TMEM200A: variants seen among roughly 807,000 people sequenced by gnomAD.
The protein encoded by TMEM200A is transmembrane protein 200A.
In TMEM200A, 12 loss-of-function variants were observed where a neutral mutation model predicts 24.3. That is an observed-to-expected ratio of 0.49 (90% CI 0.32 to 0.80). The LOEUF (loss-of-function observed/expected upper bound fraction) is 0.80. Among genes scored for constraint, TMEM200A ranks in the 30% least tolerant of loss-of-function variants. The pLI is 0.04. For missense variants in TMEM200A, 545 were observed against 614.4 expected (o/e 0.89, Z 1.19); for synonymous variants, 224 against 224.4 (o/e 1.00, Z 0.02).
chr6:130,374,630 G>T (rs1778404529), intron 1 of TMEM200A, among the ~76,000 whole-genome samples: 1 of 152,028 alleles, frequency 6.6e-6, no homozygotes, highest in East Asian at 1.9e-4. Flanking sequence ...CACCATGTTG[G>T]CCAGGCTGGT....
chr6:130,375,981 A>T (rs973689180), intron 1 of TMEM200A, among the ~76,000 whole-genome samples: 56 of 145,062 alleles, frequency 3.9e-4, no homozygotes, highest in African/African-American at 1.4e-3. Context: ...TTTAATATAA[A>T]TATAACGTAA....
chr6:130,392,453 G>A (rs1355125299), intron 2 of TMEM200A, among the ~76,000 whole-genome samples: 1 of 152,126 alleles, frequency 6.6e-6, no homozygotes, highest in Non-Finnish European at 1.5e-5. Flanking sequence ...CATTTCCAGT[G>A]CAATAGCTTC....
intron 1 of TMEM200A, among the ~76,000 whole-genome samples, chr6:130,372,861 C>T (rs972289620): frequency 3.9e-5 from 6 of 152,184 alleles, no homozygotes; most frequent in African/African-American, 1.2e-4. Context: ...AGAGGTAAAA[C>T]AACCATGTGT....
chr6:130,394,437 C>A (rs1778903228), intron 2 of TMEM200A, among the ~76,000 whole-genome samples: 1 of 152,130 alleles, frequency 6.6e-6, no homozygotes, highest in Non-Finnish European at 1.5e-5. Flanking sequence ...GGTGGCAGAG[C>A]TTTCTTCTCT....
At chr6:130,401,194 G>A (rs1412714526) in intron 2 of TMEM200A, among the ~76,000 whole-genome samples, 3 of 152,034 alleles carry the variant, frequency 2.0e-5, no homozygotes, top group Admixed American at 1.3e-4. Context: ...CTGTATTCAG[G>A]TGTCATGTTG....
chr6:130,369,125 CT>C (rs1778251973), intron 1 of TMEM200A, among the ~76,000 whole-genome samples: 1 of 152,074 alleles, frequency 6.6e-6, no homozygotes, highest in Admixed American at 6.6e-5. Context: ...GACATCTGAC[CT>C]AACATTGATT....
In TMEM200A at chr6:130,440,674, G is replaced by A. The variant is rs1297990034; in HGVS notation, c.252G>A (p.Trp84Ter). 6.2e-7 allele frequency: 1 copy of A among 1,613,634 alleles called. No homozygotes were observed. The highest frequency in any genetic ancestry group is 1.3e-5 in the African/African-American group (1 of 74,856). Residue 84 changes from tryptophan (W) to a stop codon, truncating the protein, a stop_gained, in exon 3 of 3, where the codon TGG (tryptophan) becomes TGA (stop). Coordinates refer to ENST00000296978, the MANE Select transcript of TMEM200A (RefSeq NM_001258277.2). LOFTEE classifies it high-confidence loss of function. ...TTGCTATGGCCGTTCTTGGATATTG[G>A]CCCCAAAAAGAACATTTTATTGATG... ...IGIAMAVLGY[W>*]PQKEHFIDAE...
intron 2 of TMEM200A, among the ~76,000 whole-genome samples, chr6:130,417,583 C>T (rs527850128): frequency 6.6e-6 from 1 of 152,224 alleles, no homozygotes; most frequent in African/African-American, 2.4e-5. Context: ...TTCCTCTACT[C>T]AAAGGCTACA....
chr6:130,391,435 A>T (rs7744698), intron 2 of TMEM200A, among the ~76,000 whole-genome samples: 51,454 of 151,964 alleles, frequency 0.34, 12,396 homozygotes, highest in African/African-American at 0.69. Flanking sequence ...AAGAAGAGGG[A>T]AATCTGGGAT....
chr6:130,434,855 T>C (rs1306685175), intron 2 of TMEM200A, among the ~76,000 whole-genome samples: 1 of 152,060 alleles, frequency 6.6e-6, no homozygotes, highest in East Asian at 1.9e-4. Context: ...GTGAGAAAGG[T>C]GGAAAATAAG....
intron 2 of TMEM200A, among the ~76,000 whole-genome samples, chr6:130,387,268 A>G (rs1778731745): frequency 6.6e-6 from 1 of 151,980 alleles, no homozygotes. Flanking sequence ...ATTTGGATAG[A>G]GTTGTGTTTG....
rs1156405595 is a variant in TMEM200A, at chr6:130,371,604, T to C, written c.-81+5080T>C. Among the ~76,000 whole-genome samples, 3 of 152,072 alleles carry C rather than the reference T, an allele frequency of 2.0e-5. No homozygotes were observed. In the East Asian group the frequency reaches 5.8e-4, roughly 29 times the overall value. ...AGAACAGAGGTTATTAGGGTGAAAG[T>C]GGATAACATTCATGCTCAGAGCCAA... On this transcript the variant is annotated intron_variant, in intron 1 of 2. Coordinates refer to ENST00000296978, the MANE Select transcript of TMEM200A (RefSeq NM_001258277.2).
At chr6:130,405,502 T>G (rs559983432) in intron 2 of TMEM200A, among the ~76,000 whole-genome samples, 103 of 152,304 alleles carry the variant, frequency 6.8e-4, no homozygotes, top group African/African-American at 2.4e-3. Context: ...TTCATTTTGG[T>G]CTCTTCTTAC....
intron 2 of TMEM200A, among the ~76,000 whole-genome samples, chr6:130,422,864 G>A (rs117037371): frequency 0.018 from 2,781 of 152,274 alleles, 23 homozygotes; most frequent in Non-Finnish European, 0.027. Flanking sequence ...TATCTTGCTA[G>A]TTAGCCAGTT....
At chr6:130,386,981 A>C (rs1271636739) in intron 2 of TMEM200A, among the ~76,000 whole-genome samples, 1 of 152,210 alleles carries the variant, frequency 6.6e-6, no homozygotes, top group African/African-American at 2.4e-5. Flanking sequence ...GCAGTCACAC[A>C]GTTCATTCAT....
intron 2 of TMEM200A, among the ~76,000 whole-genome samples, chr6:130,404,476 T>C (rs976473600): frequency 1.3e-5 from 2 of 152,208 alleles, no homozygotes; most frequent in African/African-American, 4.8e-5. Flanking sequence ...ATGTCTTATT[T>C]TGAAAAATAA....
intron 2 of TMEM200A, among the ~76,000 whole-genome samples, chr6:130,401,405 T>TTCTTTCTTTC (rs1192895960): frequency 2.5e-5 from 2 of 80,840 alleles, no homozygotes; most frequent in African/African-American, 1.4e-4. Context: ...TTCTTTCTTT[T>TTCTTTCTTTC]TCTTTCTTTC....
intron 2 of TMEM200A, among the ~76,000 whole-genome samples, chr6:130,433,499 C>T (rs1436615189): frequency 6.6e-6 from 1 of 151,958 alleles, no homozygotes; most frequent in Non-Finnish European, 1.5e-5. Context: ...CTTAGTCACC[C>T]ATATGAATTT....
chr6:130,385,058 TCAGA>T (rs945630279), intron 1 of TMEM200A, 111 bp from the exon 2 acceptor site: 9 of 152,224 alleles, frequency 5.9e-5, no homozygotes, highest in Non-Finnish European at 1.0e-4. Context: ...AAGAAAGTAG[TCAGA>T]CAGAAAAAAG....
Sources: allele counts gnomAD v4.1 joint callset (sites outside exome capture counted in the v4.1 genomes callset), GRCh38; gene constraint gnomAD v4.1.1; transcripts MANE v1.5; gene names NCBI Gene and HGNC (gene_info 2026-07-23, HGNC 2026-07-21).